The following PIK3R5 variants were observed in gnomAD, a reference collection of about 807,000 sequenced individuals.
PIK3R5 encodes phosphoinositide 3-kinase regulatory subunit 5.
A neutral mutation model predicts 94.9 loss-of-function variants in PIK3R5; 32 were observed. The observed-to-expected ratio is 0.34, with a 90% CI of 0.25 to 0.45. The LOEUF (loss-of-function observed/expected upper bound fraction) is 0.45, where lower values mean the gene tolerates loss of function less well. Among genes scored for constraint, PIK3R5 ranks in the 20% least tolerant of loss-of-function variants. The probability of loss-of-function intolerance (pLI) is 1.00; values close to 1 mark genes in which losing one functional copy is unlikely to be tolerated. For synonymous variants in PIK3R5, 443 were observed against 479.4 expected (o/e 0.92, Z 0.99); for missense variants, 853 against 1,144.6 (o/e 0.75, Z 3.68).
intron 14 of PIK3R5, 102 bp downstream of exon 14, chr17:8,886,127 T>A: frequency 7.8e-6 from 6 of 771,800 alleles, no homozygotes; most frequent in African/African-American, 1.8e-5. Flanking sequence ...CAACCCCACC[T>A]TCCCATGGCC....
chr17:8,941,842 G>C (rs1382404462), intron 1 of PIK3R5, among the ~76,000 whole-genome samples: 2 of 152,238 alleles, frequency 1.3e-5, no homozygotes, highest in East Asian at 3.8e-4. Flanking sequence ...AATCCTGCCT[G>C]CTGCATTAAT....
rs149137143 is a variant in PIK3R5 at position 8,892,380 on chromosome 17, C to T, written c.482+1206G>A. Among the ~76,000 whole-genome samples the T allele has an allele frequency of 5.8e-4, 88 of 152,204 alleles. No individual in the cohort carries two copies. The highest frequency in any genetic ancestry group is 1.3e-3 in the African/African-American group (56 of 41,532). On this transcript the variant is annotated intron_variant, in intron 6 of 18. Coordinates refer to ENST00000447110, the MANE Select transcript of PIK3R5 (RefSeq NM_001142633.3). This position sits in a 1 kb window ranked among gnomAD's most constrained non-coding sequence, Gnocchi z 4.3. Reference sequence around the variant, plus strand: ...TCACCAGCTTGCATAATTTCTCTCCCGAAGAATTTATCATCATTCTCAATT... The same window carrying T: ...TCACCAGCTTGCATAATTTCTCTCCTGAAGAATTTATCATCATTCTCAATT...
intron 5 of PIK3R5, among the ~76,000 whole-genome samples, chr17:8,902,846 A>ATTTTT (rs35776068): frequency 2.9e-5 from 4 of 140,182 alleles, no homozygotes; most frequent in African/African-American, 7.9e-5. Flanking sequence ...TTTAGATAGA[A>ATTTTT]TTTTTTTTTT....
chr17:8,879,563 G>GT lies in PIK3R5; in HGVS notation c.*1075dup, dbSNP rs1447193633. ...GAGGGCCAATCTGATACAGAAGGGG[G>GT]TGAAGGGTAGGGCCCCTGAGCAGCC... is the stretch of plus-strand genomic sequence containing the variant. On this transcript the variant is annotated 3_prime_UTR_variant, in exon 19 of 19. Coordinates refer to ENST00000447110, the MANE Select transcript of PIK3R5 (RefSeq NM_001142633.3). This position sits in a 1 kb window ranked among gnomAD's most constrained non-coding sequence, Gnocchi z 4.4. The GT allele has an allele frequency of 6.6e-6, 1 of 152,242 alleles. No individual in the cohort carries two copies. Among genetic ancestry groups the GT allele is most frequent in the Non-Finnish European group, 1.5e-5 (1 of 68,046 alleles). The allele number at this position is 152,242 out of a possible 1,614,324, so 9.4% of individuals were successfully genotyped here.
chr17:8,881,566 T>A lies in PIK3R5; in HGVS notation c.2382+64A>T. ...ACATGTGCACACACACGTACACACA[T>A]ACGCACATGCACGCTCCAGTAAGTC... is the stretch of plus-strand genomic sequence containing the variant. On this transcript the variant is annotated intron_variant, in intron 17 of 18. Transcript: ENST00000447110. This position sits in a 1 kb window ranked among gnomAD's most constrained non-coding sequence, Gnocchi z 4.8. 7 of 1,260,386 alleles carry A rather than the reference T, an allele frequency of 5.6e-6. No homozygotes were observed. The highest frequency in any genetic ancestry group is 6.8e-6 in the Non-Finnish European group (6 of 878,080). The allele number at this position is 1,260,386 out of a possible 1,614,324, so 78.1% of individuals were successfully genotyped here. A position where few individuals can be genotyped will look rare whatever the true frequency, so the allele number is the denominator to read the frequency against.
At chr17:8,952,469 A>G (rs1267043440) in intron 1 of PIK3R5, among the ~76,000 whole-genome samples, 5 of 152,202 alleles carry the variant, frequency 3.3e-5, no homozygotes, top group Non-Finnish European at 7.4e-5. Context: ...TCCTACAGAC[A>G]TGACTTCTGG....
At chr17:8,952,642 A>ATCTCT in intron 1 of PIK3R5, among the ~76,000 whole-genome samples, 1 of 152,358 alleles carries the variant, frequency 6.6e-6, no homozygotes, top group East Asian at 1.9e-4. Flanking sequence ...TTATAAATGA[A>ATCTCT]TTAGGGGTAA....
At position 8,881,766 on chromosome 17, in the gene PIK3R5, C is replaced by G. The variant is rs56990998; in HGVS notation, c.2299+22G>C. ...TCAGAGCACCTCCCTACTGCACACCCCACACTGACCACCCCACTCACCCAG... is the reference window on the plus strand; with the variant it reads ...TCAGAGCACCTCCCTACTGCACACCGCACACTGACCACCCCACTCACCCAG... On this transcript the variant is annotated intron_variant, in intron 16 of 18. Coordinates refer to ENST00000447110, the MANE Select transcript of PIK3R5 (RefSeq NM_001142633.3). The surrounding 1 kb of genome is among the most constrained non-coding windows in gnomAD (Gnocchi z 4.8). The G allele has an allele frequency of 3.1e-6, 5 of 1,613,154 alleles. No homozygotes were observed. The South Asian group carries it at 4.4e-5, about 14-fold the overall frequency.
chr17:8,929,608 C>T, intron 1 of PIK3R5, among the ~76,000 whole-genome samples: 1 of 152,160 alleles, frequency 6.6e-6, no homozygotes. Flanking sequence ...GGGACTGCCA[C>T]AGTGGAATGC....
Position 8,927,113 on chromosome 17 carries a change from C to T in PIK3R5, c.-13-15606G>A, listed in dbSNP as rs114657492. Among the ~76,000 whole-genome samples the T allele has an allele frequency of 9.8e-3, 1,488 of 152,150 alleles. 38 individuals carry two copies. Among genetic ancestry groups the T allele is most frequent in the African/African-American group, 0.034 (1,395 of 41,508 alleles). ...GTGAGTTCCCTGGCTTCTCTTTTTGCCTTATAGATTCCAGACTTGGAGCTG... is the reference window on the plus strand; with the variant it reads ...GTGAGTTCCCTGGCTTCTCTTTTTGTCTTATAGATTCCAGACTTGGAGCTG... On this transcript the variant is annotated intron_variant, in intron 1 of 18. Transcript: ENST00000447110.
chr17:8,953,712 T>C (rs1323820893), intron 1 of PIK3R5, among the ~76,000 whole-genome samples: 2 of 152,244 alleles, frequency 1.3e-5, no homozygotes, highest in East Asian at 1.9e-4. Context: ...GGAAGTGGAC[T>C]ATATTCCTGT....
At chr17:8,899,424 C>T (rs989771688) in intron 5 of PIK3R5, among the ~76,000 whole-genome samples, 1 of 152,230 alleles carries the variant, frequency 6.6e-6, no homozygotes, top group African/African-American at 2.4e-5. Context: ...ACCACTGCAA[C>T]CCTTACTGCC....
chr17:8,904,552 C>T lies in PIK3R5; in HGVS notation c.412+225G>A, dbSNP rs555132580. On this transcript the variant is annotated intron_variant, in intron 5 of 18. Transcript: ENST00000447110. The surrounding 1 kb of genome is among the most constrained non-coding windows in gnomAD (Gnocchi z 5.1). ...CCTGCTCCTACTTCCCCTAACAATC[C>T]CTCCTCGAGTTACCTCCCATATTTA... 6.6e-6 allele frequency among the ~76,000 whole-genome samples: 1 copy of T among 152,296 alleles called. No homozygotes were observed. The highest frequency in any genetic ancestry group is 2.4e-5 in the African/African-American group (1 of 41,562).
Position 8,896,225 on chromosome 17 carries a change from T to C in PIK3R5, c.413-2570A>G, listed in dbSNP as rs1425253101. On this transcript the variant is annotated intron_variant, in intron 5 of 18. Transcript: ENST00000447110. This position sits in a 1 kb window ranked among gnomAD's most constrained non-coding sequence, Gnocchi z 4.0. ...GCTTGGTTTTCACAATGTTACCTGGTGATGCCAGGGAGGCCATGAATGCTA... is the reference window on the plus strand; with the variant it reads ...GCTTGGTTTTCACAATGTTACCTGGCGATGCCAGGGAGGCCATGAATGCTA... Among the ~76,000 whole-genome samples, 1 of 152,138 alleles carries C rather than the reference T, an allele frequency of 6.6e-6. No homozygotes were observed. The highest frequency in any genetic ancestry group is 1.5e-5 in the Non-Finnish European group (1 of 68,034).
At chr17:8,937,716 G>A (rs76231923) in intron 1 of PIK3R5, among the ~76,000 whole-genome samples, 6,732 of 152,188 alleles carry the variant, frequency 0.044, 221 homozygotes, top group African/African-American at 0.094. Context: ...ATTTTTGTCC[G>A]GTTTTGGTAT....
intron 1 of PIK3R5, among the ~76,000 whole-genome samples, chr17:8,914,009 C>T (rs748241486): frequency 2.6e-5 from 4 of 152,196 alleles, no homozygotes; most frequent in Non-Finnish European, 5.9e-5. Flanking sequence ...CCCATGGCAG[C>T]CCGACCACAA....
intron 1 of PIK3R5, among the ~76,000 whole-genome samples, chr17:8,944,220 A>G (rs1208625627): frequency 6.6e-6 from 1 of 152,154 alleles, no homozygotes; most frequent in East Asian, 1.9e-4. Context: ...TATGCTGAGA[A>G]TAATAGCTCC....
intron 1 of PIK3R5, among the ~76,000 whole-genome samples, chr17:8,923,741 G>A (rs181243408): frequency 3.3e-5 from 5 of 152,316 alleles, no homozygotes; most frequent in Admixed American, 2.0e-4. Context: ...TAGACAATGT[G>A]CACAGGAGAA....
intron 5 of PIK3R5, among the ~76,000 whole-genome samples, chr17:8,902,063 A>C (rs560614322): frequency 2.0e-5 from 3 of 150,886 alleles, no homozygotes; most frequent in Non-Finnish European, 4.4e-5. Flanking sequence ...ATTTTTGCCA[A>C]TTTGATAGGG....
Sources: allele counts gnomAD v4.1 joint callset (sites outside exome capture counted in the v4.1 genomes callset), GRCh38; gene constraint gnomAD v4.1.1; non-coding constraint Gnocchi (gnomAD v3.1); transcripts MANE v1.5; gene names NCBI Gene and HGNC (gene_info 2026-07-23, HGNC 2026-07-21).